Variants in ADD1 observed in about 807,000 individuals in gnomAD.
ADD1 encodes alpha-adducin.
In ADD1, 24 loss-of-function variants were observed where a neutral mutation model predicts 80.5. That is an observed-to-expected ratio of 0.30 (90% CI 0.22 to 0.42). The LOEUF is 0.42. Ranked by LOEUF, ADD1 falls within the 10% of genes least tolerant of loss-of-function variation. ADD1 has a pLI of 1.00. For synonymous variants in ADD1, 373 were observed against 393.8 expected (o/e 0.95, Z 0.63); for missense variants, 948 against 1,019.0 (o/e 0.93, Z 0.95).
intron 1 of ADD1, among the ~76,000 whole-genome samples, chr4:2,866,993 G>C (rs973191268): frequency 6.6e-6 from 1 of 152,076 alleles, no homozygotes; most frequent in Non-Finnish European, 1.5e-5. Context: ...GATCACTTGA[G>C]CCCGGGGGCA....
At chr4:2,875,706 G>A (rs1288699262) in intron 1 of ADD1, among the ~76,000 whole-genome samples, 190 bp from the exon 2 acceptor site, 1 of 152,136 alleles carries the variant, frequency 6.6e-6, no homozygotes, top group Non-Finnish European at 1.5e-5. Flanking sequence ...GTTAGTGGGA[G>A]GGTGGGAGGT....
chr4:2,896,112 C>G (rs1181190394), intron 6 of ADD1, among the ~76,000 whole-genome samples: 1 of 151,856 alleles, frequency 6.6e-6, no homozygotes, highest in South Asian at 2.1e-4. Context: ...TGGTCTTGAT[C>G]GCCTGACCTC....
In ADD1 at chr4:2,904,858, A is replaced by G; in HGVS notation, c.1256A>G (p.Tyr419Cys). The stretch of plus-strand genomic sequence containing the variant: ...GAGGTTCCTGCTAGTGTCACAGGTT[A>G]CTCCTTTGCTAGTGACGGTGATTCG... ...DVEVPASVTG[Y>C]SFASDGDSGT... is the part of the protein sequence containing the mutation. Residue 419 changes from tyrosine (Y) to cysteine (C), a missense_variant, in exon 10 of 16, where the codon TAC becomes TGC. Tyr to Cys is a radical substitution (Grantham distance 194). Coordinates refer to ENST00000683351, the MANE Select transcript of ADD1 (RefSeq NM_001354761.2). 2 of 1,613,968 alleles carry G rather than the reference A, an allele frequency of 1.2e-6. No homozygotes were observed. Among genetic ancestry groups the G allele is most frequent in the Non-Finnish European group, 1.7e-6 (2 of 1,179,996 alleles).
intron 14 of ADD1, among the ~76,000 whole-genome samples, chr4:2,919,108 G>C (rs1739573354): frequency 6.6e-6 from 1 of 152,080 alleles, no homozygotes; most frequent in Non-Finnish European, 1.5e-5. Context: ...CAAACTACTG[G>C]GATTACAGGT....
In ADD1 at chr4:2,876,176, G is replaced by A. The variant is rs1577514492; in HGVS notation, c.195+66G>A. 10 of 1,495,136 alleles carry A rather than the reference G, an allele frequency of 6.7e-6. No homozygotes were observed. The East Asian group carries it at 2.3e-4, about 34-fold the overall frequency. 92.6% of individuals were successfully genotyped at this position (1,495,136 alleles called of 1,614,324 possible). A position where few individuals can be genotyped will look rare whatever the true frequency, so the allele number is the denominator to read the frequency against. ...CCTTTTCTAATACTTCAGGTCTTATGCCCTGTTGTATGAGTGGCATAGTTC... is the reference window on the plus strand; with the variant it reads ...CCTTTTCTAATACTTCAGGTCTTATACCCTGTTGTATGAGTGGCATAGTTC... On this transcript the variant is annotated intron_variant, in intron 2 of 15. Transcript: ENST00000683351.
rs1300986224 is a variant in ADD1 at position 2,926,673 on chromosome 4, C to A, written c.2047+561C>A. On this transcript the variant is annotated intron_variant, in intron 15 of 15. Transcript: ENST00000683351. The surrounding 1 kb of genome is among the most constrained non-coding windows in gnomAD (Gnocchi z 5.0). ...GATGCGCTAGAGAGTACCTGTTACC[C>A]TAGTAAGTACCGTGCTGCCTCCGCT... 6.2e-7 allele frequency: 1 copy of A among 1,613,762 alleles called. No homozygotes were observed. The highest frequency in any genetic ancestry group is 1.3e-5 in the African/African-American group (1 of 74,920).
chr4:2,853,893 C>T (rs543605123), intron 1 of ADD1, among the ~76,000 whole-genome samples: 11 of 152,240 alleles, frequency 7.2e-5, no homozygotes, highest in East Asian at 3.9e-4. Flanking sequence ...CGTGAGCGAC[C>T]GCGTCTGGCC....
At position 2,862,313 on chromosome 4, in the gene ADD1, A is replaced by G. The variant is rs76686189; in HGVS notation, c.-20-13583A>G. On this transcript the variant is annotated intron_variant, in intron 1 of 15. Transcript: ENST00000683351. Reference sequence around the variant, plus strand: ...TCACTGAATGGGTCTCAGAGGTTCAAACCAGGGTTTTAGGAGCTGTAGATT... The same window carrying G: ...TCACTGAATGGGTCTCAGAGGTTCAGACCAGGGTTTTAGGAGCTGTAGATT... Among the ~76,000 whole-genome samples, 989 of 152,338 alleles carry G rather than the reference A, an allele frequency of 6.5e-3. 11 individuals carry two copies. Among genetic ancestry groups the G allele is most frequent in the African/African-American group, 0.022 (928 of 41,576 alleles).
At chr4:2,873,951 T>G (rs1378942822) in intron 1 of ADD1, among the ~76,000 whole-genome samples, 2 of 152,230 alleles carry the variant, frequency 1.3e-5, no homozygotes, top group Non-Finnish European at 2.9e-5. Flanking sequence ...GGCTCTTGCC[T>G]GTAATCCCAG....
chr4:2,868,994 G>A (rs1428208300), intron 1 of ADD1, among the ~76,000 whole-genome samples: 2 of 152,112 alleles, frequency 1.3e-5, no homozygotes, highest in Non-Finnish European at 2.9e-5. Context: ...ATCAGACGAC[G>A]GTTGACTGCG....
At chr4:2,891,468 A>C (rs772942221) in intron 4 of ADD1, among the ~76,000 whole-genome samples, 1 of 152,066 alleles carries the variant, frequency 6.6e-6, no homozygotes, top group Non-Finnish European at 1.5e-5. Flanking sequence ...AAAAAAGATA[A>C]AGGAGCTGAC....
chr4:2,906,800 C>G (rs1387119754), intron 10 of ADD1, among the ~76,000 whole-genome samples: 1 of 152,222 alleles, frequency 6.6e-6, no homozygotes, highest in African/African-American at 2.4e-5. Flanking sequence ...GCTCCATGCC[C>G]ATTCCACACT....
In ADD1 at chr4:2,875,996, A is replaced by G. The variant is rs1320153414; in HGVS notation, c.81A>G (p.Arg27=). 6.2e-7 allele frequency: 1 copy of G among 1,614,162 alleles called. No homozygotes were observed. Among genetic ancestry groups the G allele is most frequent in the Non-Finnish European group, 8.5e-7 (1 of 1,179,988 alleles). Reference sequence around the variant, plus strand: ...CTCACAAGGAGAGGTACTTCGACCGAGTAGATGAGAACAACCCAGAGTACT... The same window carrying G: ...CTCACAAGGAGAGGTACTTCGACCGGGTAGATGAGAACAACCCAGAGTACT... ...TAPHKERYFD[R]VDENNPEYLR... The change falls in exon 2 of 16, where the codon CGA becomes CGG. Residue 27 remains arginine (R), a synonymous_variant. Coordinates refer to ENST00000683351, the MANE Select transcript of ADD1 (RefSeq NM_001354761.2).
At chr4:2,885,105 C>T (rs539913211) in intron 4 of ADD1, among the ~76,000 whole-genome samples, 2 of 152,282 alleles carry the variant, frequency 1.3e-5, no homozygotes, top group South Asian at 2.1e-4. Flanking sequence ...CTGGACCAAG[C>T]GCTGTTCTAA....
At chr4:2,898,825 A>G in intron 8 of ADD1, 1 of 437,168 alleles carries the variant, frequency 2.3e-6, no homozygotes, top group Non-Finnish European at 4.2e-6. Flanking sequence ...AGTGTGTGTC[A>G]TCGCATATGT....
intron 1 of ADD1, among the ~76,000 whole-genome samples, chr4:2,872,300 T>C (rs1730577499): frequency 6.6e-6 from 1 of 152,244 alleles, no homozygotes; most frequent in Non-Finnish European, 1.5e-5. Flanking sequence ...AATCTTAAAA[T>C]GTATTACATA....
chr4:2,898,610 A>G (rs1408402182), intron 8 of ADD1, 79 bp downstream of exon 8: 4 of 1,231,666 alleles, frequency 3.2e-6, no homozygotes, highest in East Asian at 4.6e-5. Context: ...TTTGATACTT[A>G]TCGAGTAGGA....
chr4:2,861,249 A>C (rs988105441), intron 1 of ADD1, among the ~76,000 whole-genome samples: 1 of 152,160 alleles, frequency 6.6e-6, no homozygotes, highest in African/African-American at 2.4e-5. Context: ...AGGCCCCTGC[A>C]TATTGGGGTC....
chr4:2,927,194 C>T (rs1039020956), intron 15 of ADD1, among the ~76,000 whole-genome samples: 5 of 152,242 alleles, frequency 3.3e-5, no homozygotes, highest in African/African-American at 1.2e-4. Context: ...GTCCTAGCAT[C>T]AGCCACACCA....
Sources: allele counts gnomAD v4.1 joint callset (sites outside exome capture counted in the v4.1 genomes callset), GRCh38; gene constraint gnomAD v4.1.1; non-coding constraint Gnocchi (gnomAD v3.1); transcripts MANE v1.5; gene names NCBI Gene and HGNC (gene_info 2026-07-23, HGNC 2026-07-21).